Variants in WDR1 observed in about 807,000 individuals in gnomAD.
The protein encoded by WDR1 is WD repeat-containing protein 1.
WDR1 carries 21 observed loss-of-function variants against 71.9 expected under a neutral mutation model. The ratio of observed to expected loss-of-function variants is 0.29; its 90% CI spans 0.21 to 0.42. The LOEUF (loss-of-function observed/expected upper bound fraction) is 0.42. Ranked by LOEUF, WDR1 falls within the 10% of genes least tolerant of loss-of-function variation. WDR1 has a pLI of 1.00. For synonymous variants in WDR1, 424 were observed against 347.4 expected (o/e 1.22, Z -2.45); for missense variants, 696 against 824.5 (o/e 0.84, Z 1.91).
chr4:10,091,430 T>C (rs1711972316), intron 5 of WDR1: 1 of 152,198 alleles, frequency 6.6e-6, no homozygotes, highest in African/African-American at 2.4e-5. Context: ...CCAGAGACGC[T>C]TTACCCCCCG....
chr4:10,088,145 T>G, intron 7 of WDR1, 148 bp downstream of exon 7: 1 of 931,190 alleles, frequency 1.1e-6, no homozygotes, highest in Non-Finnish European at 1.7e-6. Context: ...ATTGCGACCT[T>G]AAAGCTTTTC....
intron 8 of WDR1, 121 bp from the exon 9 acceptor site, chr4:10,084,651 AGTGCAG>A (rs1248622786): frequency 2.2e-6 from 2 of 895,800 alleles, no homozygotes; most frequent in Non-Finnish European, 3.6e-6. Context: ...AATCCATGGC[AGTGCAG>A]GTGCTCTGAG....
chr4:10,092,892 C>G (rs1712090037), intron 5 of WDR1: 1 of 459,412 alleles, frequency 2.2e-6, no homozygotes, highest in Non-Finnish European at 4.0e-6. Context: ...CAGTCTCAGT[C>G]CAGCCTCATC....
intron 5 of WDR1, chr4:10,091,986 C>CTGG (rs1712021216): frequency 6.6e-6 from 1 of 152,306 alleles, no homozygotes; most frequent in Admixed American, 6.5e-5. Context: ...CAGATGAGGC[C>CTGG]ACACAACCTT....
intron 11 of WDR1, among the ~76,000 whole-genome samples, chr4:10,080,391 G>A (rs1009895150): frequency 3.3e-5 from 5 of 152,164 alleles, no homozygotes; most frequent in Non-Finnish European, 7.4e-5. Context: ...GCTTTGTAGC[G>A]TTTCCCCCAG....
chr4:10,089,210 G>A (rs780099535), intron 5 of WDR1, among the ~76,000 whole-genome samples: 10 of 152,222 alleles, frequency 6.6e-5, no homozygotes, highest in South Asian at 4.1e-4. Flanking sequence ...CCGGGTTCAC[G>A]CCATTCTCCT....
In WDR1 at chr4:10,078,943, G is replaced by A. The variant is rs1235523132; in HGVS notation, c.1343C>T (p.Pro448Leu). 6.2e-7 allele frequency: 1 copy of A among 1,612,802 alleles called. No individual in the cohort carries two copies. The highest frequency in any genetic ancestry group is 8.5e-7 in the Non-Finnish European group (1 of 1,179,314). ...CFSIDNPGYE[P>L]EVVAVHPGGD... ...GCCGGGGTGCACTGCCACAACTTCG[G>A]GCTCGTAGCCGGGGTTGTCGATGCT... The change falls in exon 12 of 15, where the codon CCC becomes CTC. Residue 448 changes from proline to leucine, a missense_variant. By Grantham distance (98) the Pro-to-Leu change is moderately conservative. Transcript: ENST00000499869.
chr4:10,088,277 A>T lies in WDR1; in HGVS notation c.717+16T>A. ...CAAATTCCCACCACTAGGCCGGGAAACACGCTCATACTCACTGCGTAAATC... is the reference window on the plus strand; with the variant it reads ...CAAATTCCCACCACTAGGCCGGGAATCACGCTCATACTCACTGCGTAAATC... On this transcript the variant is annotated intron_variant, in intron 7 of 14. Transcript: ENST00000499869. 6.4e-7 allele frequency: 1 copy of T among 1,550,986 alleles called. No homozygotes were observed. Among genetic ancestry groups the T allele is most frequent in the Non-Finnish European group, 8.7e-7 (1 of 1,147,102 alleles).
At chr4:10,105,501 CAAGT>C (rs1712961981) in intron 2 of WDR1, among the ~76,000 whole-genome samples, 2 of 152,158 alleles carry the variant, frequency 1.3e-5, no homozygotes, top group Non-Finnish European at 2.9e-5. Flanking sequence ...CTACGAATGA[CAAGT>C]AAGCACATGA....
At chr4:10,077,132 C>T (rs73212828) in intron 14 of WDR1, 172 bp downstream of exon 14, 184,688 of 956,470 alleles carry the variant, frequency 0.19, 19,585 homozygotes, top group Middle Eastern at 0.24. Context: ...CGGCCAGCAG[C>T]GCAGCTGGTG....
At chr4:10,078,069 A>G in intron 12 of WDR1, 143 bp from the exon 13 acceptor site, 2 of 1,085,936 alleles carry the variant, frequency 1.8e-6, no homozygotes, top group Non-Finnish European at 1.3e-6. Flanking sequence ...GGAGCTGGGC[A>G]TGGCTCTTCC....
At chr4:10,076,920 C>A (rs1214201639) in intron 14 of WDR1, 1 of 194,640 alleles carries the variant, frequency 5.1e-6, no homozygotes, top group East Asian at 1.3e-4. Context: ...TCACCTGTTT[C>A]TTTTTTAAAT....
At chr4:10,089,400 C>G (rs911318274) in intron 5 of WDR1, among the ~76,000 whole-genome samples, 21 of 152,226 alleles carry the variant, frequency 1.4e-4, no homozygotes, top group African/African-American at 4.6e-4. Flanking sequence ...GTCACTGCGC[C>G]TGGCCAATAA....
chr4:10,076,759 G>GA (rs1372493768), intron 14 of WDR1: 1 of 153,192 alleles, frequency 6.5e-6, no homozygotes, highest in African/African-American at 2.4e-5. Flanking sequence ...ACACTAGGAG[G>GA]AGAGTGGTAG....
rs541657439 is a variant in WDR1 at position 10,116,549 on chromosome 4, C to T, written c.16+102G>A. The T allele has an allele frequency of 4.8e-4, 451 of 941,506 alleles. 2 individuals carry two copies. The African/African-American group carries it at 7.4e-3, about 15-fold the overall frequency. 58.3% of individuals were successfully genotyped at this position (941,506 alleles called of 1,614,324 possible). ...CCGGCCGGCGCCCGCACCCCTCCCC[C>T]GCGCCGAGGACTCCCCCGCCACCCG... On this transcript the variant is annotated intron_variant, in intron 1 of 14. Transcript: ENST00000499869.
intron 4 of WDR1, among the ~76,000 whole-genome samples, chr4:10,098,415 A>G (rs1712486307): frequency 6.6e-6 from 1 of 152,258 alleles, no homozygotes; most frequent in East Asian, 1.9e-4. Flanking sequence ...TGCCACTGTC[A>G]AGTTCAAGGG....
chr4:10,103,762 C>T (rs1467243084), intron 3 of WDR1, 134 bp downstream of exon 3: 1 of 653,438 alleles, frequency 1.5e-6, no homozygotes, highest in Non-Finnish European at 2.6e-6. Context: ...CTCAACTCAC[C>T]ACCCCCAGCC....
At chr4:10,095,363 T>C (rs1016879770) in intron 5 of WDR1, among the ~76,000 whole-genome samples, 1 of 152,234 alleles carries the variant, frequency 6.6e-6, no homozygotes, top group African/African-American at 2.4e-5. Context: ...AATTAATTCC[T>C]GAGAACTTCC....
rs369879998 is a variant in WDR1, at chr4:10,111,887, C to T, written c.138+4226G>A. ...CCAGCAGTGTCAAATTGCTATAAAC[C>T]TTGCACTCCCGGAAACTCAATTTTA... On this transcript the variant is annotated intron_variant, in intron 2 of 14. Coordinates refer to ENST00000499869, the MANE Select transcript of WDR1 (RefSeq NM_017491.5). Among the ~76,000 whole-genome samples, 9 of 151,138 alleles carry T rather than the reference C, an allele frequency of 6.0e-5. No homozygotes were observed. The East Asian group carries it at 9.8e-4, about 16-fold the overall frequency.
Sources: allele counts gnomAD v4.1 joint callset (sites outside exome capture counted in the v4.1 genomes callset), GRCh38; gene constraint gnomAD v4.1.1; transcripts MANE v1.5; gene names NCBI Gene and HGNC (gene_info 2026-07-23, HGNC 2026-07-21).